The following CNTN4 variants were observed in gnomAD, a reference collection of about 807,000 sequenced individuals.
CNTN4 encodes the protein contactin 4, also known as contactin-4.
Under a neutral mutation model 122.5 loss-of-function variants are expected in CNTN4, and 77 were observed. That is an observed-to-expected ratio of 0.63 (90% CI 0.52 to 0.76). CNTN4 has a LOEUF of 0.76. CNTN4 is among the 30% of genes least tolerant of loss of function. The pLI, the probability that CNTN4 is intolerant of heterozygous loss-of-function variation, is 0.00. For synonymous variants in CNTN4, 512 were observed against 447.0 expected (o/e 1.15, Z -1.83); for missense variants, 1,256 against 1,259.1 (o/e 1.00, Z 0.04).
intron 8 of CNTN4, among the ~76,000 whole-genome samples, chr3:2,869,029 C>T (rs915189599): frequency 6.6e-6 from 1 of 152,044 alleles, no homozygotes; most frequent in Non-Finnish European, 1.5e-5. Context: ...TCAGCATGTT[C>T]AGAAAACACG....
intron 2 of CNTN4, among the ~76,000 whole-genome samples, chr3:2,300,331 G>A (rs1358728227): frequency 3.3e-5 from 5 of 152,106 alleles, no homozygotes; most frequent in Admixed American, 3.3e-4. Context: ...TGAAAGTTCA[G>A]GGTAGATTTG....
At chr3:2,298,264 G>A (rs545430271) in intron 2 of CNTN4, among the ~76,000 whole-genome samples, 4 of 151,922 alleles carry the variant, frequency 2.6e-5, no homozygotes, top group African/African-American at 7.2e-5. Flanking sequence ...CTTGTCAGTC[G>A]AATTAAAATC....
chr3:2,099,861 A>G (rs1310306523), intron 1 of CNTN4: 1 of 152,302 alleles, frequency 6.6e-6, no homozygotes. Flanking sequence ...ATCTTCGTGC[A>G]TTTTCTCTCT....
At chr3:3,032,955 C>T (rs1699301178) in intron 16 of CNTN4, among the ~76,000 whole-genome samples, 2 of 152,144 alleles carry the variant, frequency 1.3e-5, no homozygotes, top group African/African-American at 4.8e-5. Context: ...AAAGAACAAA[C>T]AAATCCAGGA....
chr3:2,854,517 C>T (rs1335538325), intron 7 of CNTN4, among the ~76,000 whole-genome samples: 1 of 152,082 alleles, frequency 6.6e-6, no homozygotes, highest in African/African-American at 2.4e-5. Flanking sequence ...AAGTGATCCG[C>T]CTGCCTCTGC....
At chr3:2,751,690 T>G (rs1401395884) in intron 6 of CNTN4, among the ~76,000 whole-genome samples, 1 of 152,128 alleles carries the variant, frequency 6.6e-6, no homozygotes. Flanking sequence ...TGCCCACTTT[T>G]GCAGCCCAGC....
At chr3:2,779,306 GC>G (rs1337091233) in intron 6 of CNTN4, among the ~76,000 whole-genome samples, 1 of 151,938 alleles carries the variant, frequency 6.6e-6, no homozygotes, top group Non-Finnish European at 1.5e-5. Flanking sequence ...TCACTCTGTC[GC>G]CCAGGCTTGA....
chr3:2,967,004 G>A (rs1440126581), intron 13 of CNTN4, among the ~76,000 whole-genome samples: 1 of 152,132 alleles, frequency 6.6e-6, no homozygotes, highest in Non-Finnish European at 1.5e-5. Context: ...TCAAGACAGG[G>A]GAATTGCAAT....
rs181204905 is a variant in CNTN4, at chr3:2,695,933, G to A, written c.56-40282G>A. On this transcript the variant is annotated intron_variant, in intron 4 of 24. Coordinates refer to ENST00000418658, the MANE Select transcript of CNTN4 (RefSeq NM_175607.3). ...ATCAGTATAGGGTGGTAGGGGTGGG[G>A]GTAATGACACTATAGTTACTTATGT... Among the ~76,000 whole-genome samples the A allele has an allele frequency of 3.3e-3, 508 of 152,208 alleles. 16 individuals carry two copies. Among genetic ancestry groups the A allele is most frequent in the Admixed American group, 0.031 (480 of 15,276 alleles).
chr3:2,512,577 T>G (rs553499711), intron 3 of CNTN4, among the ~76,000 whole-genome samples: 31 of 152,342 alleles, frequency 2.0e-4, no homozygotes, highest in African/African-American at 7.5e-4. Flanking sequence ...ATTTGTGGAT[T>G]TTTCTGTTTC....
chr3:2,300,848 T>C (rs1445936434), intron 2 of CNTN4, among the ~76,000 whole-genome samples: 3 of 151,900 alleles, frequency 2.0e-5, no homozygotes, highest in South Asian at 2.1e-4. Flanking sequence ...GGATTACAGG[T>C]GTGAGCCACC....
At chr3:2,543,295 T>G (rs1295383610) in intron 3 of CNTN4, among the ~76,000 whole-genome samples, 1 of 152,092 alleles carries the variant, frequency 6.6e-6, no homozygotes, top group African/African-American at 2.4e-5. Context: ...GCTGTTCACT[T>G]AAAGCACTCA....
At chr3:2,671,389 T>G (rs1329011875) in intron 4 of CNTN4, among the ~76,000 whole-genome samples, 1 of 152,262 alleles carries the variant, frequency 6.6e-6, no homozygotes, top group Non-Finnish European at 1.5e-5. Flanking sequence ...AATCGGCTAC[T>G]GAAGCTTGTG....
rs2094467532 is a variant in CNTN4 at position 2,925,755 on chromosome 3, G to T, written c.1334G>T (p.Arg445Met). ...CCTGTTTACACCTGGAAGAAAGGAA[G>T]GGATATATTAAAAGAAAATGAAAGG... ...PKPVYTWKKGRDILKENERIT... is the reference protein window; with the variant it reads ...PKPVYTWKKGMDILKENERIT... The change falls in exon 13 of 25, where the codon AGG (arginine) becomes ATG (methionine). Residue 445 changes from arginine to methionine, a missense_variant. Arg to Met is a moderately conservative substitution (Grantham distance 91). Coordinates refer to ENST00000418658, the MANE Select transcript of CNTN4 (RefSeq NM_175607.3). 2.5e-6 allele frequency: 4 copies of T among 1,613,666 alleles called. No homozygotes were observed. The East Asian group carries it at 6.7e-5, about 27-fold the overall frequency.
chr3:2,867,923 T>A (rs1386770484), intron 8 of CNTN4, among the ~76,000 whole-genome samples: 1 of 152,146 alleles, frequency 6.6e-6, no homozygotes, highest in African/African-American at 2.4e-5. Flanking sequence ...AACTGGTACA[T>A]CGAAGATTCT....
intron 4 of CNTN4, among the ~76,000 whole-genome samples, chr3:2,607,536 T>C (rs1467610858): frequency 6.6e-6 from 1 of 150,468 alleles, no homozygotes; most frequent in Non-Finnish European, 1.5e-5. Flanking sequence ...CAAAAGGATA[T>C]AAAAACGTAA....
chr3:2,840,502 C>A (rs551572739), intron 7 of CNTN4, among the ~76,000 whole-genome samples: 3 of 137,392 alleles, frequency 2.2e-5, no homozygotes, highest in South Asian at 2.6e-4. Flanking sequence ...AGATCGAGAC[C>A]ATCCTGGCTA....
intron 7 of CNTN4, among the ~76,000 whole-genome samples, chr3:2,833,815 A>G (rs1304840955): frequency 1.3e-5 from 2 of 152,156 alleles, no homozygotes; most frequent in Non-Finnish European, 1.5e-5. Flanking sequence ...ATATTCTGTT[A>G]TGTTTGTGTA....
intron 2 of CNTN4, among the ~76,000 whole-genome samples, chr3:2,282,602 T>C: frequency 6.6e-6 from 1 of 152,150 alleles, no homozygotes; most frequent in Non-Finnish European, 1.5e-5. Context: ...CACTGTCTTT[T>C]GAAATGTAGG....
Sources: allele counts gnomAD v4.1 joint callset (sites outside exome capture counted in the v4.1 genomes callset), GRCh38; gene constraint gnomAD v4.1.1; transcripts MANE v1.5; gene names NCBI Gene and HGNC (gene_info 2026-07-23, HGNC 2026-07-21).